STK32C: variants seen among roughly 807,000 people sequenced by gnomAD.
The protein encoded by STK32C is serine/threonine-protein kinase 32C.
A neutral mutation model predicts 56.5 loss-of-function variants in STK32C; 31 were observed. The observed-to-expected ratio is 0.55, with a 90% CI of 0.41 to 0.74. The LOEUF is 0.74. Ranked by LOEUF, STK32C falls within the 30% of genes least tolerant of loss-of-function variation. The pLI is 0.00. For synonymous variants in STK32C, 309 were observed against 289.4 expected, an observed-to-expected ratio of 1.07 and a Z score of -0.69; for missense variants, 544 against 676.9, an observed-to-expected ratio of 0.80 and a Z score of 2.18.
intron 1 of STK32C, among the ~76,000 whole-genome samples, chr10:132,317,554 A>G (rs1461029497): frequency 6.6e-6 from 1 of 152,202 alleles, no homozygotes; most frequent in African/African-American, 2.4e-5. Context: ...CAGCCTGGCA[A>G]CATAATGACA....
chr10:132,331,200 CAAAAAAAAA>C (rs35734065), intron 1 of STK32C, among the ~76,000 whole-genome samples: 15 of 56,332 alleles, frequency 2.7e-4, no homozygotes, highest in African/African-American at 8.5e-4. Flanking sequence ...GACTCCACCT[CAAAAAAAAA>C]AAAAAAAAAA....
intron 10 of STK32C, among the ~76,000 whole-genome samples, chr10:132,220,809 A>G (rs2062613453): frequency 6.6e-6 from 1 of 152,228 alleles, no homozygotes; most frequent in Admixed American, 6.5e-5. Flanking sequence ...CACGACCTCA[A>G]TGTTAGCTCA....
At chr10:132,227,860 G>A in intron 3 of STK32C, 117 bp downstream of exon 3, 1 of 1,296,368 alleles carries the variant, frequency 7.7e-7, no homozygotes, top group Non-Finnish European at 1.1e-6. Flanking sequence ...CCTGTGGGTG[G>A]CAGAGGCATC....
At chr10:132,324,073 C>A in exon 2 of STK32C, 1 of 612,658 alleles carries the variant, frequency 1.6e-6, no homozygotes, top group Non-Finnish European at 2.9e-6. Flanking sequence ...CCCAACACAC[C>A]CACACCTGGA....
At chr10:132,277,265 A>C in intron 1 of STK32C, among the ~76,000 whole-genome samples, 1 of 152,110 alleles carries the variant, frequency 6.6e-6, no homozygotes. Context: ...GAGCCGCTGG[A>C]GAGAGAGCCA....
intron 10 of STK32C, among the ~76,000 whole-genome samples, chr10:132,217,138 G>A (rs1483832768): frequency 6.6e-6 from 1 of 152,248 alleles, no homozygotes; most frequent in Non-Finnish European, 1.5e-5. Context: ...GCAGCCGGGA[G>A]GAAGGCTGTA....
At chr10:132,320,161 A>T (rs1196617418), downstream of STK32C, among the ~76,000 whole-genome samples, 1 of 152,070 alleles carries the variant, frequency 6.6e-6, no homozygotes, top group Non-Finnish European at 1.5e-5. Flanking sequence ...ATTCAGGAAC[A>T]TCCCACAATC....
At chr10:132,235,967 C>T (rs943786840) in intron 2 of STK32C, among the ~76,000 whole-genome samples, 8 of 152,244 alleles carry the variant, frequency 5.3e-5, no homozygotes, top group African/African-American at 1.9e-4. Context: ...TGTCGGATAC[C>T]GAGGGCACAG....
At chr10:132,322,589 A>C (rs879456149), downstream of STK32C, among the ~76,000 whole-genome samples, 3 of 152,238 alleles carry the variant, frequency 2.0e-5, no homozygotes, top group Non-Finnish European at 4.4e-5. Context: ...CTACACAGGT[A>C]ATGGGCATGC....
intron 1 of STK32C, among the ~76,000 whole-genome samples, chr10:132,268,224 CGTGT>C (rs59819169): frequency 1.0e-4 from 9 of 87,036 alleles, no homozygotes; most frequent in East Asian, 3.6e-4. Context: ...TGTCCCACAT[CGTGT>C]GTGTGTGTGT....
downstream of STK32C, among the ~76,000 whole-genome samples, chr10:132,321,817 G>A (rs149903152): frequency 3.2e-3 from 487 of 152,286 alleles, 4 homozygotes; most frequent in African/African-American, 0.011. Context: ...TCAGTGTGAC[G>A]TATTTGTGCT....
chr10:132,304,182 C>T (rs2065991225), intron 1 of STK32C, among the ~76,000 whole-genome samples: 1 of 152,238 alleles, frequency 6.6e-6, no homozygotes, highest in South Asian at 2.1e-4. Flanking sequence ...AAACACCTCA[C>T]AGTCCTGTGA....
chr10:132,272,022 G>A (rs2064842323), intron 1 of STK32C, among the ~76,000 whole-genome samples: 1 of 152,226 alleles, frequency 6.6e-6, no homozygotes, highest in South Asian at 2.1e-4. Flanking sequence ...GCTGAAATGG[G>A]GAAAGGACAG....
chr10:132,245,979 C>T (rs546123850), intron 1 of STK32C, 24 bp from the exon 2 acceptor site: 206 of 1,612,762 alleles, frequency 1.3e-4, no homozygotes, highest in Non-Finnish European at 1.6e-4. Context: ...CAGAGGGACA[C>T]CTGGTGAGGT....
At chr10:132,321,548 G>A (rs1046746703), downstream of STK32C, among the ~76,000 whole-genome samples, 5 of 152,078 alleles carry the variant, frequency 3.3e-5, no homozygotes, top group African/African-American at 1.2e-4. Context: ...TCCATCTAAG[G>A]GCCGGGCATG....
intron 1 of STK32C, among the ~76,000 whole-genome samples, chr10:132,304,200 CTAAG>C (rs2138388236): frequency 6.6e-6 from 1 of 152,286 alleles, no homozygotes; most frequent in Non-Finnish European, 1.5e-5. Context: ...TGACAGGAAA[CTAAG>C]TAAGCAGAGA....
chr10:132,256,257 G>A (rs1029446260), intron 1 of STK32C, among the ~76,000 whole-genome samples: 19 of 152,202 alleles, frequency 1.2e-4, no homozygotes, highest in African/African-American at 3.6e-4. Context: ...CCCAGAGCCC[G>A]GGGTCCTGGT....
intron 2 of STK32C, among the ~76,000 whole-genome samples, chr10:132,241,757 C>A (rs535488376): frequency 6.6e-6 from 1 of 152,304 alleles, no homozygotes; most frequent in South Asian, 2.1e-4. Flanking sequence ...GAGAGGCCTG[C>A]ACCCTCGACG....
intron 1 of STK32C, among the ~76,000 whole-genome samples, chr10:132,290,991 T>TGGCTCTCCCCTGCCTCCCTTCC (rs1437833653): frequency 1.1e-4 from 17 of 152,330 alleles, no homozygotes; most frequent in Admixed American, 4.6e-4. Context: ...TCCGCTGCCT[T>TGGCTCTCCCCTGCCTCCCTTCC]GGCTCTCCCC....
Sources: allele counts gnomAD v4.1 joint callset (sites outside exome capture counted in the v4.1 genomes callset), GRCh38; gene constraint gnomAD v4.1.1; transcripts MANE v1.5; gene names NCBI Gene and HGNC (gene_info 2026-07-23, HGNC 2026-07-21).